The following NEMP2 variants were observed in gnomAD, a reference collection of about 807,000 sequenced individuals.
NEMP2 encodes the protein nuclear envelope integral membrane protein 2.
In NEMP2, 53 loss-of-function variants were observed where a neutral mutation model predicts 54.2. The ratio of observed to expected loss-of-function variants is 0.98; its 90% CI spans 0.78 to 1.23. NEMP2 has a LOEUF of 1.23. Ranked by LOEUF, NEMP2 falls within the 50% of genes most tolerant of loss-of-function variation. The pLI is 0.00. For synonymous variants in NEMP2, 197 were observed against 190.3 expected, an observed-to-expected ratio of 1.04 and a Z score of -0.29; for missense variants, 455 against 511.3, an observed-to-expected ratio of 0.89 and a Z score of 1.06.
chr2:190,475,056 G>A, the NEMP2 span, among the ~76,000 whole-genome samples: 1 of 152,022 alleles, frequency 6.6e-6, no homozygotes, highest in African/African-American at 2.4e-5. Context: ...GTATTGATGG[G>A]ACATATCTCA....
At position 190,519,314 on chromosome 2, in the gene NEMP2, A is replaced by T; in HGVS notation, c.214-131T>A. 11 of 642,448 alleles carry T rather than the reference A, an allele frequency of 1.7e-5. No homozygotes were observed. The highest frequency in any genetic ancestry group is 2.6e-5 in the Non-Finnish European group (10 of 378,350). The allele number at this position is 642,448 out of a possible 1,614,324, so 39.8% of individuals were successfully genotyped here. On this transcript the variant is annotated intron_variant, in intron 2 of 8. Transcript: ENST00000409150. This position sits in a 1 kb window ranked among gnomAD's most constrained non-coding sequence, Gnocchi z 5.4. ...TCTGCTCACTGCAACCTGTGCCTCC[A>T]GGGCTCAGGTGACCCTCCCACTTCA... is the stretch of plus-strand genomic sequence containing the variant.
Position 190,534,636 on chromosome 2 carries a change from C to T in NEMP2, c.20G>A (p.Arg7Gln). MGPRQG[R>Q]WWLLLWLPPL... ...CGGCAGCCAGAGCAGCAGCCACCAC[C>T]GCCCTTGGCGCGGCCCCATTTCGTT... is the stretch of plus-strand genomic sequence containing the variant. The change falls in exon 1 of 9, where the codon CGG becomes CAG. Residue 7 changes from arginine to glutamine, a missense_variant. Physicochemically the swap from Arg to Gln is conservative, Grantham distance 43 (BLOSUM62 1). Coordinates refer to ENST00000409150, the MANE Select transcript of NEMP2 (RefSeq NM_001142645.2). 1 of 1,340,590 alleles carries T rather than the reference C, an allele frequency of 7.5e-7. No individual in the cohort carries two copies. Among genetic ancestry groups the T allele is most frequent in the Non-Finnish European group, 9.5e-7 (1 of 1,050,262 alleles). 83.0% of individuals were successfully genotyped at this position (1,340,590 alleles called of 1,614,324 possible). A position where few individuals can be genotyped will look rare whatever the true frequency, so the allele number is the denominator to read the frequency against.
At chr2:190,494,909 A>G in the NEMP2 span, among the ~76,000 whole-genome samples, 3 of 152,182 alleles carry the variant, frequency 2.0e-5, no homozygotes, top group African/African-American at 7.2e-5. This position sits in a 1 kb window ranked among gnomAD's most constrained non-coding sequence, Gnocchi z 5.7. Context: ...AACAGGGAGA[A>G]GTTGGAAGCA....
the NEMP2 span, among the ~76,000 whole-genome samples, chr2:190,437,723 CAAAGG>C: frequency 2.0e-5 from 3 of 152,030 alleles, no homozygotes; most frequent in African/African-American, 7.3e-5. The surrounding 1 kb of genome is among the most constrained non-coding windows in gnomAD (Gnocchi z 5.9). Context: ...AAAATAGAAA[CAAAGG>C]AAAGGAAGTC....
chr2:190,484,832 T>A, the NEMP2 span, among the ~76,000 whole-genome samples: 166 of 152,318 alleles, frequency 1.1e-3, no homozygotes, highest in African/African-American at 3.9e-3. Context: ...TTTAGGGAAA[T>A]CAATTTTAAT....
At chr2:190,579,196 T>A in the NEMP2 span, among the ~76,000 whole-genome samples, 3 of 151,914 alleles carry the variant, frequency 2.0e-5, no homozygotes, top group Non-Finnish European at 4.4e-5. Flanking sequence ...TGGTTCCCAA[T>A]TTTTCTAGTA....
rs954715431 is a variant in NEMP2, at chr2:190,528,148, C to A, written c.98-2770G>T. ...CACATTTTTGAATATATCTGAGATG[C>A]AAATGACTTCTGGCCAAGGGCAGCA... On this transcript the variant is annotated intron_variant, in intron 1 of 8. Coordinates refer to ENST00000409150, the MANE Select transcript of NEMP2 (RefSeq NM_001142645.2). This position sits in a 1 kb window ranked among gnomAD's most constrained non-coding sequence, Gnocchi z 4.3. Among the ~76,000 whole-genome samples the A allele has an allele frequency of 1.2e-4, 18 of 152,186 alleles. No individual in the cohort carries two copies. Among genetic ancestry groups the A allele is most frequent in the African/African-American group, 4.3e-4 (18 of 41,432 alleles).
At chr2:190,451,415 C>T in the NEMP2 span, among the ~76,000 whole-genome samples, 1 of 152,200 alleles carries the variant, frequency 6.6e-6, no homozygotes, top group Non-Finnish European at 1.5e-5. This position sits in a 1 kb window ranked among gnomAD's most constrained non-coding sequence, Gnocchi z 5.0. Context: ...ATTTATTAAA[C>T]ACACTGGGTG....
chr2:190,527,903 CA>C lies in NEMP2; in HGVS notation c.98-2526del, dbSNP rs1254390819. ...GATCTGAGGTGGAACAGTTTCATCC[CA>C]AAACCACCCCAACCCCACTCCTATC... is the stretch of plus-strand genomic sequence containing the variant. On this transcript the variant is annotated intron_variant, in intron 1 of 8. Transcript: ENST00000409150. This position sits in a 1 kb window ranked among gnomAD's most constrained non-coding sequence, Gnocchi z 4.0. 2.0e-5 allele frequency among the ~76,000 whole-genome samples: 3 copies of C among 152,098 alleles called. No individual in the cohort carries two copies. The highest frequency in any genetic ancestry group is 6.5e-5 in the Admixed American group (1 of 15,278).
At chr2:190,434,558 C>T in the NEMP2 span, among the ~76,000 whole-genome samples, 2 of 152,310 alleles carry the variant, frequency 1.3e-5, no homozygotes, top group Non-Finnish European at 2.9e-5. The surrounding 1 kb of genome is among the most constrained non-coding windows in gnomAD (Gnocchi z 4.3). Context: ...GCCTCAGCTT[C>T]CCAAGTAGCT....
chr2:190,494,034 G>GA, the NEMP2 span, among the ~76,000 whole-genome samples: 2 of 148,538 alleles, frequency 1.3e-5, no homozygotes, highest in East Asian at 3.9e-4. The surrounding 1 kb of genome is among the most constrained non-coding windows in gnomAD (Gnocchi z 5.7). Context: ...GAAATTGAAG[G>GA]AAAAAAAATA....
chr2:190,451,686 T>G, the NEMP2 span, among the ~76,000 whole-genome samples: 2 of 152,144 alleles, frequency 1.3e-5, no homozygotes, highest in African/African-American at 4.8e-5. The surrounding 1 kb of genome is among the most constrained non-coding windows in gnomAD (Gnocchi z 5.0). Context: ...GAGTCCTGAA[T>G]GGAAGCCCCC....
the NEMP2 span, chr2:190,608,797 T>C: frequency 6.6e-6 from 1 of 152,230 alleles, no homozygotes; most frequent in East Asian, 1.9e-4. The surrounding 1 kb of genome is among the most constrained non-coding windows in gnomAD (Gnocchi z 4.9). Context: ...AGAGACCACA[T>C]GCGTATGATT....
the NEMP2 span, among the ~76,000 whole-genome samples, chr2:190,598,696 C>T: frequency 1.3e-5 from 2 of 152,194 alleles, no homozygotes; most frequent in Middle Eastern, 3.2e-3. Flanking sequence ...AGCAAAGCAA[C>T]CATTTTAAAT....
intron 4 of NEMP2, among the ~76,000 whole-genome samples, chr2:190,518,295 G>T (rs915504865): frequency 6.6e-6 from 1 of 152,182 alleles, no homozygotes; most frequent in Admixed American, 6.5e-5. Flanking sequence ...CTAAGAGTCA[G>T]AAATTTGCTA....
the NEMP2 span, chr2:190,454,419 G>A: frequency 6.6e-6 from 1 of 152,194 alleles, no homozygotes; most frequent in Non-Finnish European, 1.5e-5. The surrounding 1 kb of genome is among the most constrained non-coding windows in gnomAD (Gnocchi z 4.6). Flanking sequence ...GGGATCTTTG[G>A]GAGGTAATGA....
At chr2:190,593,547 T>A in the NEMP2 span, among the ~76,000 whole-genome samples, 1 of 152,204 alleles carries the variant, frequency 6.6e-6, no homozygotes, top group African/African-American at 2.4e-5. The surrounding 1 kb of genome is among the most constrained non-coding windows in gnomAD (Gnocchi z 4.5). Context: ...GCTGCATACA[T>A]TACTTGTCTT....
At chr2:190,516,499 T>G in intron 5 of NEMP2, 115 bp from the exon 6 acceptor site, 1 of 754,460 alleles carries the variant, frequency 1.3e-6, no homozygotes, top group Non-Finnish European at 2.1e-6. Context: ...TGATTTGAAG[T>G]CAATTTAAGA....
At chr2:190,570,557 C>T in the NEMP2 span, among the ~76,000 whole-genome samples, 1 of 152,282 alleles carries the variant, frequency 6.6e-6, no homozygotes, top group African/African-American at 2.4e-5. The surrounding 1 kb of genome is among the most constrained non-coding windows in gnomAD (Gnocchi z 5.4). Flanking sequence ...GAGCTGGGAG[C>T]CAGAATGTCC....
Sources: gnomAD v4.1 joint callset for allele counts (sites outside exome capture counted in the v4.1 genomes callset) on GRCh38, gnomAD v4.1.1 for gene constraint, Gnocchi (gnomAD v3.1) non-coding constraint, MANE v1.5 for transcripts, NCBI Gene and HGNC (gene_info 2026-07-23, HGNC 2026-07-21) for gene names.